RERE: variants seen among roughly 807,000 people sequenced by gnomAD.
The protein encoded by RERE is arginine-glutamic acid dipeptide repeats protein.
RERE carries 40 observed loss-of-function variants against 146.1 expected under a neutral mutation model. That is an observed-to-expected ratio of 0.27 (90% CI 0.21 to 0.36). The LOEUF (loss-of-function observed/expected upper bound fraction) is 0.36. RERE is among the 10% of genes least tolerant of loss of function. The pLI is 1.00. For missense variants in RERE, 1,933 were observed against 2,138.7 expected (o/e 0.90, Z 1.90); for synonymous variants, 1,003 against 866.0 (o/e 1.16, Z -2.78).
In RERE at chr1:8,624,428, A is replaced by C. The variant is rs373234656; in HGVS notation, c.326-48T>G. 30 of 1,238,338 alleles carry C rather than the reference A, an allele frequency of 2.4e-5. No individual in the cohort carries two copies. The East Asian group carries it at 3.0e-4, about 12-fold the overall frequency. The allele number at this position is 1,238,338 out of a possible 1,614,324, so 76.7% of individuals were successfully genotyped here. On this transcript the variant is annotated intron_variant, in intron 2 of 22. Transcript: ENST00000400908. ...AAAACAATGGCATTTACCTTTAAGG[A>C]ACAAAGACAGGGCCCATAAAGCCAC...
At chr1:8,614,782 C>T (rs539324247) in intron 3 of RERE, 96 bp from the exon 4 acceptor site, 5 of 1,377,820 alleles carry the variant, frequency 3.6e-6, no homozygotes, top group East Asian at 2.4e-5. Context: ...TCTGCAAAAA[C>T]TCTTTAGCAG....
intron 2 of RERE, among the ~76,000 whole-genome samples, chr1:8,629,754 C>T (rs1647013336): frequency 6.6e-6 from 1 of 152,204 alleles, no homozygotes; most frequent in Admixed American, 6.5e-5. Context: ...ATAGGCAATG[C>T]TCAGCCACTG....
At chr1:8,754,668 C>T (rs1640601179) in intron 1 of RERE, among the ~76,000 whole-genome samples, 1 of 152,162 alleles carries the variant, frequency 6.6e-6, no homozygotes, top group African/African-American at 2.4e-5. Flanking sequence ...TCCAATTATG[C>T]TGATGAAGTA....
chr1:8,734,112 T>C (rs7520181), intron 1 of RERE, among the ~76,000 whole-genome samples: 1 of 152,142 alleles, frequency 6.6e-6, no homozygotes, highest in African/African-American at 2.4e-5. Flanking sequence ...GTCTCAAAAA[T>C]TAAAATAAAA....
At chr1:8,520,616 G>T (rs1031419919) in intron 7 of RERE, among the ~76,000 whole-genome samples, 2 of 151,910 alleles carry the variant, frequency 1.3e-5, no homozygotes, top group African/African-American at 4.8e-5. Flanking sequence ...AACCTACCGT[G>T]TATCTGGCAA....
chr1:8,549,312 G>T (rs1249071085), intron 6 of RERE, among the ~76,000 whole-genome samples: 1 of 152,172 alleles, frequency 6.6e-6, no homozygotes, highest in Non-Finnish European at 1.5e-5. Flanking sequence ...AAAAAATACA[G>T]AAGTTTGCTG....
At chr1:8,568,307 T>C (rs559570822) in intron 4 of RERE, among the ~76,000 whole-genome samples, 2 of 152,288 alleles carry the variant, frequency 1.3e-5, no homozygotes, top group East Asian at 3.9e-4. Flanking sequence ...GTACTATAGG[T>C]TCCTTTGGTT....
chr1:8,760,346 A>C (rs976082412), intron 1 of RERE, among the ~76,000 whole-genome samples: 1 of 152,190 alleles, frequency 6.6e-6, no homozygotes, highest in Non-Finnish European at 1.5e-5. Flanking sequence ...GTAATAGTTA[A>C]GACAATCATT....
intron 4 of RERE, among the ~76,000 whole-genome samples, chr1:8,605,430 C>T (rs1646691301): frequency 6.6e-6 from 1 of 152,062 alleles, no homozygotes; most frequent in Non-Finnish European, 1.5e-5. Flanking sequence ...CTGAGCCTGG[C>T]CTTCCCAACT....
At chr1:8,604,490 C>T (rs1430275907) in intron 4 of RERE, among the ~76,000 whole-genome samples, 1 of 145,134 alleles carries the variant, frequency 6.9e-6, no homozygotes, top group East Asian at 1.9e-4. Flanking sequence ...CATCTCCACA[C>T]AGAGGAGGTC....
chr1:8,596,123 A>G (rs1171976506), intron 4 of RERE, among the ~76,000 whole-genome samples: 1 of 152,240 alleles, frequency 6.6e-6, no homozygotes, highest in Non-Finnish European at 1.5e-5. Context: ...TCTATGGCTA[A>G]GTTGAGTAGT....
chr1:8,369,813 G>A (rs183570099), intron 12 of RERE, among the ~76,000 whole-genome samples: 5 of 151,706 alleles, frequency 3.3e-5, no homozygotes, highest in African/African-American at 1.2e-4. Flanking sequence ...TTTTTGAGAC[G>A]GAGTCTTGCT....
chr1:8,377,784 G>A (rs1178252413), intron 12 of RERE, among the ~76,000 whole-genome samples: 4 of 152,120 alleles, frequency 2.6e-5, no homozygotes, highest in African/African-American at 7.2e-5. Flanking sequence ...CGGGACGAAC[G>A]ATGAAGGATG....
chr1:8,404,152 G>A (rs1439237707), intron 12 of RERE, among the ~76,000 whole-genome samples: 2 of 152,026 alleles, frequency 1.3e-5, no homozygotes, highest in African/African-American at 2.4e-5. Context: ...AATAGAGGCC[G>A]GGTGCGGTGG....
In RERE at chr1:8,358,481, C is replaced by T. The variant is rs200525338; in HGVS notation, c.4054G>A (p.Ala1352Thr). 2.9e-4 allele frequency: 456 copies of T among 1,585,754 alleles called. 3 individuals carry two copies. The highest frequency in any genetic ancestry group is 1.7e-3 in the East Asian group (75 of 44,470). Residue 1352 changes from alanine (A) to threonine (T), a missense_variant, in exon 20 of 23, where the codon GCC becomes ACC. Around this residue, in one of 11 missense-constraint regions of RERE, gnomAD observed 1,255 missense variants for 1,153.8 expected, o/e 1.09. Transcript: ENST00000400908. ...CCGGCGGTCGGGGGGATGGTGAGGG[C>T]GCTGTGCCGGGCAAAGTGCTCCATG... ...NPMEHFARHS[A>T]LTIPPTAGPH...
chr1:8,720,930 C>G (rs116644103), intron 1 of RERE, among the ~76,000 whole-genome samples: 1 of 152,102 alleles, frequency 6.6e-6, no homozygotes. Flanking sequence ...GTGATGCACA[C>G]CTGCAATCCC....
chr1:8,683,911 C>T (rs1050846697), intron 1 of RERE, among the ~76,000 whole-genome samples: 3 of 152,190 alleles, frequency 2.0e-5, no homozygotes, highest in Non-Finnish European at 4.4e-5. Context: ...CACTGCACTC[C>T]AGCCCAGGCA....
rs566866837 is a variant in RERE, at chr1:8,569,658, G to A, written c.523-12135C>T. Among the ~76,000 whole-genome samples the A allele has an allele frequency of 2.8e-4, 43 of 152,326 alleles. No homozygotes were observed. In the South Asian group the frequency reaches 8.7e-3, roughly 31 times the overall value. Reference sequence around the variant, plus strand: ...TGTAATTCCAGCACTTTGGAAGGCAGAGGCATGAAGACCGCTTGAGCCCAG... The same window carrying A: ...TGTAATTCCAGCACTTTGGAAGGCAAAGGCATGAAGACCGCTTGAGCCCAG... On this transcript the variant is annotated intron_variant, in intron 4 of 22. Coordinates refer to ENST00000400908, the MANE Select transcript of RERE (RefSeq NM_001042681.2).
At chr1:8,754,817 A>G (rs772997078) in intron 1 of RERE, among the ~76,000 whole-genome samples, 3 of 152,258 alleles carry the variant, frequency 2.0e-5, no homozygotes, top group Non-Finnish European at 4.4e-5. Context: ...AACAAAAACC[A>G]GTAAGTTAAT....
Sources: allele counts gnomAD v4.1 joint callset (sites outside exome capture counted in the v4.1 genomes callset), GRCh38; gene constraint gnomAD v4.1.1; regional missense constraint gnomAD v4.1.1; transcripts MANE v1.5; gene names NCBI Gene and HGNC (gene_info 2026-07-23, HGNC 2026-07-21).